ACE: variants seen among roughly 807,000 people sequenced by gnomAD.
ACE encodes angiotensin-converting enzyme.
Under a neutral mutation model 162.3 loss-of-function variants are expected in ACE, and 122 were observed. The ratio of observed to expected loss-of-function variants is 0.75; its 90% CI spans 0.65 to 0.87. The LOEUF is 0.87. ACE is among the 40% of genes least tolerant of loss of function. The probability of loss-of-function intolerance (pLI) is 0.00; values close to 1 mark genes in which losing one functional copy is unlikely to be tolerated. For missense variants in ACE, 1,799 were observed against 1,735.1 expected (o/e 1.04, Z -0.65); for synonymous variants, 796 against 720.6 (o/e 1.10, Z -1.68).
chr17:63,484,639 C>T lies in ACE; in HGVS notation c.1921+98C>T, dbSNP rs1425182452. ...TCCTGGTCAGCTCCTACCAGCTGAG[C>T]CCTGGTACCCTGTCCTGGAGGGCCA... On this transcript the variant is annotated intron_variant, in intron 12 of 24. Coordinates refer to ENST00000290866, the MANE Select transcript of ACE (RefSeq NM_000789.4). The surrounding 1 kb of genome is among the most constrained non-coding windows in gnomAD (Gnocchi z 4.0). 6.8e-7 allele frequency: 1 copy of T among 1,468,416 alleles called. No homozygotes were observed. The highest frequency in any genetic ancestry group is 9.1e-7 in the Non-Finnish European group (1 of 1,100,952). The allele number at this position is 1,468,416 out of a possible 1,614,324, so 91.0% of individuals were successfully genotyped here.
Position 63,494,085 on chromosome 17 carries a change from G to A in ACE, c.3281+19G>A, listed in dbSNP as rs201224656. 288 of 1,613,478 alleles carry A rather than the reference G, an allele frequency of 1.8e-4. No homozygotes were observed. Among genetic ancestry groups the A allele is most frequent in the Middle Eastern group, 4.9e-4 (3 of 6,084 alleles). ...GCCTCAGGTTCTGGAACACTCCCAC[G>A]GGATGCGGGCTGGGGGATCTCTGCG... On this transcript the variant is annotated intron_variant, in intron 21 of 24. Transcript: ENST00000290866.
In ACE at chr17:63,490,961, G is replaced by A. The variant is rs759679121; in HGVS notation, c.2649G>A (p.Met883Ile). ...CCCCACACTCGCCTCCAGGGAACAT[G>A]TGGGCGCAGACCTGGTCCAACATCT... Reference protein sequence around the residue: ...GPIPAHLLGNMWAQTWSNIYD... With the variant: ...GPIPAHLLGNIWAQTWSNIYD... The change falls in exon 18 of 25, where the codon ATG becomes ATA. Residue 883 changes from methionine (M) to isoleucine (I), a missense_variant. Physicochemically the swap from Met to Ile is conservative, Grantham distance 10. Transcript: ENST00000290866. 1.1e-5 allele frequency: 18 copies of A among 1,614,230 alleles called. No homozygotes were observed. The South Asian group carries it at 1.9e-4, about 17-fold the overall frequency.
Position 63,483,462 on chromosome 17 carries a change from C to G in ACE, c.1490C>G (p.Thr497Ser). The change falls in exon 10 of 25, where the codon ACC (threonine) becomes AGC (serine). Residue 497 changes from threonine to serine, a missense_variant and splice_region_variant. Coordinates refer to ENST00000290866, the MANE Select transcript of ACE (RefSeq NM_000789.4). ...RYNFDWWYLR[T>S]KYQGICPPVT... ...ACAATTTAACCATCCTTTTCCAGAA[C>G]CAAGTATCAGGGGATCTGTCCTCCT... is the stretch of plus-strand genomic sequence containing the variant. 8 of 1,613,694 alleles carry G rather than the reference C, an allele frequency of 5.0e-6. No individual in the cohort carries two copies. The highest frequency in any genetic ancestry group is 1.7e-5 in the Admixed American group (1 of 60,010).
intron 13 of ACE, 100 bp downstream of exon 13, chr17:63,485,472 G>T (rs1446697509): frequency 2.0e-6 from 3 of 1,527,878 alleles, no homozygotes; most frequent in Non-Finnish European, 1.8e-6. Context: ...ATTTTAAATT[G>T]AATATTTAAA....
rs2029951617 is a variant in ACE, at chr17:63,486,550, C to T, written c.2059-7C>T. 2 of 1,614,040 alleles carry T rather than the reference C, an allele frequency of 1.2e-6. 1 individual carries two copies. Among genetic ancestry groups the T allele is most frequent in the South Asian group, 2.2e-5 (2 of 91,044 alleles). On this transcript the variant is annotated splice_polypyrimidine_tract_variant and splice_region_variant and intron_variant, in intron 13 of 24. Coordinates refer to ENST00000290866, the MANE Select transcript of ACE (RefSeq NM_000789.4). ...GGCCCTGTGACACCATCCCCCTGTGCCCTCAGCTGCAGAAGAACATGCAAA... is the reference window on the plus strand; with the variant it reads ...GGCCCTGTGACACCATCCCCCTGTGTCCTCAGCTGCAGAAGAACATGCAAA...
intron 1 of ACE, 76 bp downstream of exon 1, chr17:63,477,419 G>C: frequency 8.9e-7 from 1 of 1,125,362 alleles, no homozygotes; most frequent in South Asian, 4.4e-5. Flanking sequence ...CTTGTGGGGC[G>C]GGCAGGCTGG....
rs553363731 is a variant in ACE at position 63,484,067 on chromosome 17, G to A, written c.1709+96G>A. 7.3e-6 allele frequency: 11 copies of A among 1,515,890 alleles called. No individual in the cohort carries two copies. The East Asian group carries it at 9.8e-5, about 14-fold the overall frequency. 93.9% of individuals were successfully genotyped at this position (1,515,890 alleles called of 1,614,324 possible). On this transcript the variant is annotated intron_variant, in intron 11 of 24. Coordinates refer to ENST00000290866, the MANE Select transcript of ACE (RefSeq NM_000789.4). The surrounding 1 kb of genome is among the most constrained non-coding windows in gnomAD (Gnocchi z 4.0). ...TCTGGCTGCTCTGATGGGGTGGGGGGCACCAACCACAGAGCTGGACTGATG... is the reference window on the plus strand; with the variant it reads ...TCTGGCTGCTCTGATGGGGTGGGGGACACCAACCACAGAGCTGGACTGATG...
intron 8 of ACE, 86 bp downstream of exon 8, chr17:63,482,775 C>T (rs2049732474): frequency 7.0e-7 from 1 of 1,432,666 alleles, no homozygotes; most frequent in East Asian, 2.3e-5. Context: ...CCACTCAGCT[C>T]TGCCCTTCTT....
intron 22 of ACE, among the ~76,000 whole-genome samples, chr17:63,495,648 C>T (rs2147574858): frequency 6.6e-6 from 1 of 152,330 alleles, no homozygotes; most frequent in Admixed American, 6.5e-5. Context: ...CTGGGGTTCC[C>T]AGCCGGCGCT....
chr17:63,481,478 G>C, intron 6 of ACE, 88 bp from the exon 7 acceptor site: 1 of 1,439,116 alleles, frequency 6.9e-7, no homozygotes, highest in African/African-American at 1.4e-5. Context: ...TCATGCACAG[G>C]GAGTTGACCC....
At position 63,483,567 on chromosome 17, in the gene ACE, G is replaced by GCGGGGGGGGGGGCCCCC; in HGVS notation, c.1586+10_1586+11insGGGGGGGGGGGCCCCCC. On this transcript the variant is annotated intron_variant, in intron 10 of 24. Coordinates refer to ENST00000290866, the MANE Select transcript of ACE (RefSeq NM_000789.4). ...GTGACACCATACATCAGGTATTAGC[G>GCGGGGGGGGGGGCCCCC]CCCCCACCCCACCCACCCCCAGTAC... is the stretch of plus-strand genomic sequence containing the variant. 1 of 1,589,524 alleles carries GCGGGGGGGGGGGCCCCC rather than the reference G, an allele frequency of 6.3e-7. No individual in the cohort carries two copies. The highest frequency in any genetic ancestry group is 8.6e-7 in the Non-Finnish European group (1 of 1,165,646).
rs767348467 is a variant in ACE at position 63,482,702 on chromosome 17, TGA to T, written c.1342+17_1342+18del. ...ACCAATGACACGGGTATGGGAGGGCTGAGAGGCCCCCACCCAGCCTCACCTAA... is the reference window on the plus strand; with the variant it reads ...ACCAATGACACGGGTATGGGAGGGCTGAGGCCCCCACCCAGCCTCACCTAA... On this transcript the variant is annotated intron_variant, in intron 8 of 24. Coordinates refer to ENST00000290866, the MANE Select transcript of ACE (RefSeq NM_000789.4). 1 of 1,611,974 alleles carries T rather than the reference TGA, an allele frequency of 6.2e-7. No homozygotes were observed. Among genetic ancestry groups the T allele is most frequent in the Non-Finnish European group, 8.5e-7 (1 of 1,178,714 alleles).
chr17:63,493,527 T>C lies in ACE; in HGVS notation c.3004T>C (p.Leu1002=), dbSNP rs1436102382. Residue 1002 remains leucine (L), a synonymous_variant, in exon 20 of 25, where the codon TTA becomes CTA. Transcript: ENST00000290866. ...HIQYFMQYKD[L]PVALREGANP... ...CCAGTATTTCATGCAGTACAAAGACTTACCTGTGGCCTTGAGGGAGGGTGC... is the reference window on the plus strand; with the variant it reads ...CCAGTATTTCATGCAGTACAAAGACCTACCTGTGGCCTTGAGGGAGGGTGC... 6.2e-7 allele frequency: 1 copy of C among 1,614,076 alleles called. No homozygotes were observed. Among genetic ancestry groups the C allele is most frequent in the South Asian group, 1.1e-5 (1 of 91,080 alleles).
Position 63,484,764 on chromosome 17 carries a change from C to T in ACE, c.1921+223C>T. On this transcript the variant is annotated intron_variant, in intron 12 of 24. Transcript: ENST00000290866. The surrounding 1 kb of genome is among the most constrained non-coding windows in gnomAD (Gnocchi z 4.0). ...GTGTGCTCAGACCTGAGGGCCCCTCCCCTTCCAGAGGAAGCCAGACACAAG... is the reference window on the plus strand; with the variant it reads ...GTGTGCTCAGACCTGAGGGCCCCTCTCCTTCCAGAGGAAGCCAGACACAAG... 6.8e-7 allele frequency: 1 copy of T among 1,472,432 alleles called. No homozygotes were observed. The highest frequency in any genetic ancestry group is 9.0e-7 in the Non-Finnish European group (1 of 1,114,122). The allele number at this position is 1,472,432 out of a possible 1,614,324, so 91.2% of individuals were successfully genotyped here.
At chr17:63,483,636 C>A in intron 10 of ACE, 78 bp downstream of exon 10, 1 of 1,397,868 alleles carries the variant, frequency 7.2e-7, no homozygotes, top group Non-Finnish European at 1.0e-6. Context: ...TCCTAGCTGC[C>A]TCATCCCCAG....
Position 63,485,363 on chromosome 17 carries a change from C to T in ACE, c.2049C>T (p.Ser683=), listed in dbSNP as rs148491967. 77 of 1,613,960 alleles carry T rather than the reference C, an allele frequency of 4.8e-5. No homozygotes were observed. The highest frequency in any genetic ancestry group is 6.4e-5 in the Non-Finnish European group (76 of 1,180,014). The stretch of plus-strand genomic sequence containing the variant: ...ACACCAACATCACCACAGAGACCAG[C>T]AAGATTCTGGTGGGAGCCACCTCCC... ...NYNTNITTET[S]KILLQKNMQI... The change falls in exon 13 of 25, where the codon AGC becomes AGT. Residue 683 remains serine (S), a synonymous_variant. Coordinates refer to ENST00000290866, the MANE Select transcript of ACE (RefSeq NM_000789.4).
At chr17:63,481,234 G>GGCCGGGGGGGGCC in intron 6 of ACE, 46 bp downstream of exon 6, 1 of 624,018 alleles carries the variant, frequency 1.6e-6, no homozygotes, top group Non-Finnish European at 3.0e-6. Context: ...CGGGGGTGGG[G>GGCCGGGGGGGGCC]CGCAAAAAAA....
chr17:63,493,593 C>T lies in ACE; in HGVS notation c.3070C>T (p.Leu1024Phe), dbSNP rs753672462. ...TGAGGCCATTGGGGACGTGCTAGCC[C>T]TCTCAGTGTCTACGCCCAAGCACCT... ...FHEAIGDVLA[L>F]SVSTPKHLHS... Residue 1024 changes from leucine to phenylalanine, a missense_variant, in exon 20 of 25, where the codon CTC (leucine) becomes TTC (phenylalanine). Physicochemically the swap from Leu to Phe is conservative, Grantham distance 22. Transcript: ENST00000290866. 10 of 1,614,094 alleles carry T rather than the reference C, an allele frequency of 6.2e-6. No homozygotes were observed. In the East Asian group the frequency reaches 1.8e-4, roughly 29 times the overall value.
intron 3 of ACE, 42 bp from the exon 4 acceptor site, chr17:63,479,727 A>C (rs372087260): frequency 6.2e-7 from 1 of 1,611,334 alleles, no homozygotes; most frequent in Admixed American, 1.7e-5. Flanking sequence ...GAAGACTTCA[A>C]CGTGGAGGCC....
Sources: gnomAD v4.1 joint callset for allele counts (sites outside exome capture counted in the v4.1 genomes callset) on GRCh38, gnomAD v4.1.1 for gene constraint, Gnocchi (gnomAD v3.1) non-coding constraint, MANE v1.5 for transcripts, NCBI Gene and HGNC (gene_info 2026-07-23, HGNC 2026-07-21) for gene names.